The following SKAP2 variants were observed in gnomAD, a reference collection of about 807,000 sequenced individuals.
SKAP2 encodes the protein src kinase associated phosphoprotein 2.
Under a neutral mutation model 54.9 loss-of-function variants are expected in SKAP2, and 28 were observed. That is an observed-to-expected ratio of 0.51 (90% CI 0.38 to 0.70). The LOEUF is 0.70. Ranked by LOEUF, SKAP2 falls within the 30% of genes least tolerant of loss-of-function variation. The pLI, the probability that SKAP2 is intolerant of heterozygous loss-of-function variation, is 0.00. For synonymous variants in SKAP2, 137 were observed against 134.3 expected (o/e 1.02, Z -0.14); for missense variants, 356 against 424.1 (o/e 0.84, Z 1.41).
At chr7:26,716,359 A>AT (rs61557243) in intron 9 of SKAP2, among the ~76,000 whole-genome samples, 124,118 of 152,078 alleles carry the variant, frequency 0.82, 51,253 homozygotes, top group African/African-American at 0.95. Context: ...ATGTAGTGTC[A>AT]TCTGTAGTCC....
At chr7:26,694,460 A>ATT (rs34338289) in intron 9 of SKAP2, among the ~76,000 whole-genome samples, 9 of 141,358 alleles carry the variant, frequency 6.4e-5, no homozygotes, top group African/African-American at 1.1e-4. Context: ...TCATCAGGAG[A>ATT]TTTTTTTTTT....
chr7:26,745,812 G>T (rs1389766979), intron 4 of SKAP2, among the ~76,000 whole-genome samples: 1 of 152,110 alleles, frequency 6.6e-6, no homozygotes. Context: ...ACCATGCCTG[G>T]ATAATAGACC....
chr7:26,723,484 C>A (rs1787624762), intron 9 of SKAP2, among the ~76,000 whole-genome samples: 1 of 151,990 alleles, frequency 6.6e-6, no homozygotes, highest in African/African-American at 2.4e-5. Flanking sequence ...TCTCCCAGTA[C>A]CACAGCAAGA....
At chr7:26,819,241 C>T (rs949256533) in intron 4 of SKAP2, among the ~76,000 whole-genome samples, 108 of 151,984 alleles carry the variant, frequency 7.1e-4, no homozygotes, top group African/African-American at 2.6e-3. Context: ...ACTATGCAGC[C>T]AAAAAAAGGA....
intron 4 of SKAP2, among the ~76,000 whole-genome samples, chr7:26,772,745 A>G (rs550810443): frequency 1.3e-5 from 2 of 152,346 alleles, no homozygotes; most frequent in East Asian, 1.9e-4. Flanking sequence ...GTGAAACTCA[A>G]TCCACGTGTG....
intron 4 of SKAP2, among the ~76,000 whole-genome samples, chr7:26,765,171 TCTAA>T (rs1783022121): frequency 6.6e-6 from 1 of 152,222 alleles, no homozygotes; most frequent in African/African-American, 2.4e-5. Context: ...TGATTGCCAT[TCTAA>T]CTGACGTGAA....
At chr7:26,742,127 T>C (rs893319019) in intron 4 of SKAP2, among the ~76,000 whole-genome samples, 2 of 152,078 alleles carry the variant, frequency 1.3e-5, no homozygotes, top group Non-Finnish European at 2.9e-5. Flanking sequence ...ATTTTGTACA[T>C]AAAACAAAAA....
At chr7:26,736,345 C>T (rs548654573) in intron 6 of SKAP2, among the ~76,000 whole-genome samples, 17 of 152,294 alleles carry the variant, frequency 1.1e-4, no homozygotes, top group Admixed American at 2.6e-4. Flanking sequence ...CTAATTATAA[C>T]GCATTAGCAT....
chr7:26,726,762 C>T (rs888321426), intron 7 of SKAP2, 120 bp downstream of exon 7: 6 of 803,624 alleles, frequency 7.5e-6, no homozygotes, highest in Non-Finnish European at 1.1e-5. Flanking sequence ...TATATTTAAA[C>T]ATCAGTATTT....
At chr7:26,733,929 A>C (rs1022958327) in intron 6 of SKAP2, among the ~76,000 whole-genome samples, 5 of 152,182 alleles carry the variant, frequency 3.3e-5, no homozygotes, top group African/African-American at 1.2e-4. Flanking sequence ...AGAACTGACA[A>C]TCCCCTCCTT....
intron 4 of SKAP2, among the ~76,000 whole-genome samples, chr7:26,814,223 T>C (rs891157530): frequency 6.6e-6 from 1 of 152,210 alleles, no homozygotes; most frequent in African/African-American, 2.4e-5. Flanking sequence ...TATTAAAATT[T>C]GATATAATTG....
chr7:26,764,350 G>T (rs940940913), intron 4 of SKAP2, among the ~76,000 whole-genome samples: 1 of 152,062 alleles, frequency 6.6e-6, no homozygotes, highest in African/African-American at 2.4e-5. Flanking sequence ...CATAGATCAG[G>T]AATCAGAAGA....
intron 4 of SKAP2, among the ~76,000 whole-genome samples, chr7:26,841,061 C>T (rs1053971043): frequency 1.3e-5 from 2 of 151,958 alleles, no homozygotes; most frequent in African/African-American, 4.8e-5. Flanking sequence ...CAATGTACAA[C>T]TCAAAAATCA....
intron 10 of SKAP2, among the ~76,000 whole-genome samples, chr7:26,688,320 AAG>A (rs1250637424): frequency 1.3e-5 from 2 of 152,204 alleles, no homozygotes; most frequent in Non-Finnish European, 2.9e-5. Context: ...CAAGATATAT[AAG>A]TTTGAACATG....
chr7:26,812,586 T>C (rs764431013), intron 4 of SKAP2, among the ~76,000 whole-genome samples: 2 of 152,206 alleles, frequency 1.3e-5, no homozygotes, highest in Non-Finnish European at 2.9e-5. Flanking sequence ...CATTTTACCA[T>C]GAATTACGTC....
At chr7:26,786,671 T>C (rs1434983579) in intron 4 of SKAP2, among the ~76,000 whole-genome samples, 2 of 152,230 alleles carry the variant, frequency 1.3e-5, no homozygotes, top group Non-Finnish European at 2.9e-5. Flanking sequence ...TTCTTAATTA[T>C]AATAAACACG....
chr7:26,836,386 TATC>T (rs1784712262), intron 4 of SKAP2, among the ~76,000 whole-genome samples: 1 of 152,202 alleles, frequency 6.6e-6, no homozygotes, highest in Admixed American at 6.5e-5. Context: ...CAAAAGAAAC[TATC>T]ATCAGAGTGA....
rs1584401111 is a variant in SKAP2, at chr7:26,806,817, T to C, written c.307+37213A>G. ...TAACTCTGCTCAATTCTATGAAGAC[T>C]GAGAGGTAAGGAAGCCACAGAAGAA... On this transcript the variant is annotated intron_variant, in intron 4 of 12. Transcript: ENST00000345317. 2.6e-5 allele frequency among the ~76,000 whole-genome samples: 4 copies of C among 152,308 alleles called. No homozygotes were observed. The East Asian group carries it at 7.7e-4, about 29-fold the overall frequency.
chr7:26,857,640 T>G (rs1388171141), intron 1 of SKAP2: 1 of 985,276 alleles, frequency 1.0e-6, no homozygotes, highest in African/African-American at 1.7e-5. Context: ...GAAACGCACT[T>G]CAGCGTTAAA....
Sources: allele counts gnomAD v4.1 joint callset (sites outside exome capture counted in the v4.1 genomes callset), GRCh38; gene constraint gnomAD v4.1.1; transcripts MANE v1.5; gene names NCBI Gene and HGNC (gene_info 2026-07-23, HGNC 2026-07-21).